Variants in MYT1L observed in about 807,000 individuals in gnomAD.
The protein encoded by MYT1L is myelin transcription factor 1 like.
In MYT1L, 12 loss-of-function variants were observed where a neutral mutation model predicts 126.7. The observed-to-expected ratio is 0.09, with a 90% CI of 0.06 to 0.15. The LOEUF is 0.15. Ranked by LOEUF, MYT1L falls within the 10% of genes least tolerant of loss-of-function variation. MYT1L has a pLI of 1.00. For synonymous variants in MYT1L, 541 were observed against 604.2 expected, an observed-to-expected ratio of 0.90 and a Z score of 1.53; for missense variants, 979 against 1,585.2, an observed-to-expected ratio of 0.62 and a Z score of 6.49.
intron 14 of MYT1L, among the ~76,000 whole-genome samples, chr2:1,901,595 G>A (rs1041763310): frequency 2.0e-5 from 3 of 152,114 alleles, no homozygotes; most frequent in Admixed American, 1.3e-4. Context: ...ATTAAGGCAA[G>A]AAATACCATA....
At chr2:1,975,289 C>T (rs939587683) in intron 8 of MYT1L, among the ~76,000 whole-genome samples, 5 of 152,366 alleles carry the variant, frequency 3.3e-5, no homozygotes, top group African/African-American at 1.2e-4. Flanking sequence ...CTGAGACCCA[C>T]AGCAGATCCC....
intron 1 of MYT1L, among the ~76,000 whole-genome samples, chr2:2,318,389 G>A (rs906839609): frequency 1.3e-4 from 20 of 152,084 alleles, no homozygotes; most frequent in Non-Finnish European, 2.8e-4. Flanking sequence ...ATACTGTTTT[G>A]ATCATTAACT....
At position 1,912,855 on chromosome 2, in the gene MYT1L, T is replaced by C. The variant is rs1436951047; in HGVS notation, c.1619-745A>G. The stretch of plus-strand genomic sequence containing the variant: ...ATTTTCCCAGCAGTGGTGTTGGACC[T>C]GAATTATTTGTGTCTTCCTTCTTTT... On this transcript the variant is annotated intron_variant, in intron 11 of 24. Coordinates refer to ENST00000647738, the MANE Select transcript of MYT1L (RefSeq NM_001303052.2). This position sits in a 1 kb window ranked among gnomAD's most constrained non-coding sequence, Gnocchi z 4.3. Among the ~76,000 whole-genome samples, 2 of 152,128 alleles carry C rather than the reference T, an allele frequency of 1.3e-5. No homozygotes were observed. Among genetic ancestry groups the C allele is most frequent in the African/African-American group, 4.8e-5 (2 of 41,434 alleles).
chr2:2,081,468 T>A (rs984335952), intron 3 of MYT1L, among the ~76,000 whole-genome samples: 1 of 152,208 alleles, frequency 6.6e-6, no homozygotes, highest in Non-Finnish European at 1.5e-5. Context: ...GGACTCAGCA[T>A]GGTGGAACTA....
intron 4 of MYT1L, among the ~76,000 whole-genome samples, chr2:2,008,749 T>G (rs2063554017): frequency 6.6e-6 from 1 of 152,184 alleles, no homozygotes; most frequent in African/African-American, 2.4e-5. Context: ...TAAAAAGTGT[T>G]GCTGTGACCA....
In MYT1L at chr2:1,811,943, C is replaced by T. The variant is rs2036730531; in HGVS notation, c.3081-2776G>A. 6.6e-6 allele frequency among the ~76,000 whole-genome samples: 1 copy of T among 152,206 alleles called. No homozygotes were observed. The highest frequency in any genetic ancestry group is 1.5e-5 in the Non-Finnish European group (1 of 68,046). On this transcript the variant is annotated intron_variant, in intron 21 of 24. Coordinates refer to ENST00000647738, the MANE Select transcript of MYT1L (RefSeq NM_001303052.2). This position sits in a 1 kb window ranked among gnomAD's most constrained non-coding sequence, Gnocchi z 4.4. ...CTTCCCTAGCTTATCCGTAAATCTGCTTCTGAAGGCGAGCTGGATATTTTC... is the reference window on the plus strand; with the variant it reads ...CTTCCCTAGCTTATCCGTAAATCTGTTTCTGAAGGCGAGCTGGATATTTTC...
chr2:2,156,483 A>C (rs920373461), intron 3 of MYT1L, among the ~76,000 whole-genome samples: 1 of 152,216 alleles, frequency 6.6e-6, no homozygotes, highest in Non-Finnish European at 1.5e-5. Flanking sequence ...AAATTATGTA[A>C]AATATGTTTA....
At chr2:2,065,791 A>G (rs1476659193) in intron 3 of MYT1L, among the ~76,000 whole-genome samples, 2 of 150,730 alleles carry the variant, frequency 1.3e-5, no homozygotes, top group Non-Finnish European at 2.9e-5. Context: ...GAACTTAATA[A>G]TTTCCTAGGG....
chr2:2,051,518 A>G (rs2068827111), intron 4 of MYT1L, among the ~76,000 whole-genome samples: 1 of 152,176 alleles, frequency 6.6e-6, no homozygotes, highest in Admixed American at 6.5e-5. Context: ...ATCTTCAATC[A>G]CTGAGATTAG....
intron 3 of MYT1L, among the ~76,000 whole-genome samples, chr2:2,122,140 C>T (rs1030370274): frequency 3.9e-5 from 6 of 152,212 alleles, no homozygotes; most frequent in African/African-American, 1.2e-4. Context: ...CTAGCAATGC[C>T]GTGCAGTCAA....
In MYT1L at chr2:2,261,142, C is replaced by CGTGT. The variant is rs10604026; in HGVS notation, c.-421+23258_-421+23261dup. The stretch of plus-strand genomic sequence containing the variant: ...GCTGGGGTGCATGTGTGTGTGAGTG[C>CGTGT]GTGTGTGTGTGTGTGTGTGTGTGTG... On this transcript the variant is annotated intron_variant, in intron 2 of 24. Coordinates refer to ENST00000647738, the MANE Select transcript of MYT1L (RefSeq NM_001303052.2). 1.9e-3 allele frequency among the ~76,000 whole-genome samples: 280 copies of CGTGT among 149,204 alleles called. 1 individual carries two copies. Among genetic ancestry groups the CGTGT allele is most frequent in the African/African-American group, 4.2e-3 (170 of 40,626 alleles).
intron 1 of MYT1L, among the ~76,000 whole-genome samples, chr2:2,310,906 GA>G (rs556136260): frequency 4.4e-4 from 67 of 152,312 alleles, no homozygotes; most frequent in African/African-American, 1.6e-3. Flanking sequence ...TCAGCAGAAA[GA>G]GGGCTCACAA....
chr2:2,057,609 C>T (rs1347637684), intron 3 of MYT1L, among the ~76,000 whole-genome samples: 1 of 152,228 alleles, frequency 6.6e-6, no homozygotes, highest in African/African-American at 2.4e-5. Flanking sequence ...CCTTTCAGAG[C>T]CAACTCTCCT....
intron 2 of MYT1L, among the ~76,000 whole-genome samples, chr2:2,184,974 C>A (rs546018809): frequency 6.6e-6 from 1 of 152,312 alleles, no homozygotes; most frequent in South Asian, 2.1e-4. Context: ...CTGGCCTTTA[C>A]TTTTGTCATC....
At chr2:1,885,580 G>A (rs1338358924) in intron 18 of MYT1L, 1 of 152,680 alleles carries the variant, frequency 6.5e-6, no homozygotes. Flanking sequence ...ATGCCGAGGT[G>A]GGGTGGGATG....
chr2:2,294,567 G>A lies in MYT1L; in HGVS notation c.-520-10064C>T, dbSNP rs2095644708. ...CATTGCATTCGAGATATGAACGGAA[G>A]GAGGAAAGAGAGGGCAGACAGTGAA... On this transcript the variant is annotated intron_variant, in intron 1 of 24. Coordinates refer to ENST00000647738, the MANE Select transcript of MYT1L (RefSeq NM_001303052.2). Among the ~76,000 whole-genome samples the A allele has an allele frequency of 2.0e-5, 3 of 152,152 alleles. No homozygotes were observed. The South Asian group carries it at 6.2e-4, about 32-fold the overall frequency.
At chr2:2,024,992 C>T (rs1037897915) in intron 4 of MYT1L, among the ~76,000 whole-genome samples, 1 of 152,284 alleles carries the variant, frequency 6.6e-6, no homozygotes. Context: ...TACTATCTCA[C>T]TGGGCTCCCG....
intron 5 of MYT1L, among the ~76,000 whole-genome samples, chr2:1,989,480 AG>A (rs1481518535): frequency 6.6e-6 from 1 of 152,200 alleles, no homozygotes; most frequent in African/African-American, 2.4e-5. Context: ...GGCACAGGGC[AG>A]TGGCTGGATA....
intron 3 of MYT1L, among the ~76,000 whole-genome samples, chr2:2,101,447 A>C (rs1389859736): frequency 1.3e-5 from 2 of 152,074 alleles, no homozygotes; most frequent in East Asian, 3.9e-4. Flanking sequence ...TCCACTCATC[A>C]ATCTACCACC....
Sources: allele counts gnomAD v4.1 joint callset (sites outside exome capture counted in the v4.1 genomes callset), GRCh38; gene constraint gnomAD v4.1.1; non-coding constraint Gnocchi (gnomAD v3.1); transcripts MANE v1.5; gene names NCBI Gene and HGNC (gene_info 2026-07-23, HGNC 2026-07-21).